The following DHCR7 variants were observed in gnomAD, a reference collection of about 807,000 sequenced individuals.
DHCR7 encodes the protein 7-DHC reductase.
A neutral mutation model predicts 43.3 loss-of-function variants in DHCR7; 40 were observed. That is an observed-to-expected ratio of 0.92 (90% CI 0.72 to 1.20). The LOEUF (loss-of-function observed/expected upper bound fraction) is 1.20, where lower values mean the gene tolerates loss of function less well. Ranked by LOEUF, DHCR7 falls within the 50% of genes most tolerant of loss-of-function variation. The probability of loss-of-function intolerance (pLI) is 0.00; values close to 1 mark genes in which losing one functional copy is unlikely to be tolerated. For synonymous variants in DHCR7, 298 were observed against 271.4 expected, an observed-to-expected ratio of 1.10 and a Z score of -0.96; for missense variants, 608 against 644.6, an observed-to-expected ratio of 0.94 and a Z score of 0.62.
At chr11:71,445,174 C>T (rs1484735508) in intron 2 of DHCR7, among the ~76,000 whole-genome samples, 3 of 152,216 alleles carry the variant, frequency 2.0e-5, no homozygotes, top group Non-Finnish European at 4.4e-5. Context: ...CGTGACCTTG[C>T]TATGGCTGCT....
chr11:71,428,803 GAAGGCAGCTCTTCCTGCCTCTACTCAGCC>G (rs1223380952), exon 3 of DHCR7: 3 of 455,704 alleles, frequency 6.6e-6, no homozygotes, highest in African/African-American at 6.0e-5. Context: ...GTCTTAAAGG[GAAGGCAGCTCTTCCTGCCTCTACTCAGCC>G]TCCACAGCAG....
rs773883055 is a variant in DHCR7 at position 71,444,817 on chromosome 11, C to T, written c.98+38G>A. The T allele has an allele frequency of 3.8e-6, 6 of 1,579,176 alleles. No individual in the cohort carries two copies. In the African/African-American group the frequency reaches 6.7e-5, roughly 18 times the overall value. ...AAGGCTGGAAAGCTCTGAGACCACA[C>T]TTTACTTTCTAGCTGGGAGAACAGG... is the stretch of plus-strand genomic sequence containing the variant. On this transcript the variant is annotated intron_variant, in intron 3 of 8. Transcript: ENST00000355527.
Position 71,439,010 on chromosome 11 carries a change from C to T in DHCR7, c.700G>A (p.Asp234Asn), listed in dbSNP as rs1949320871. 1 of 1,613,994 alleles carries T rather than the reference C, an allele frequency of 6.2e-7. No individual in the cohort carries two copies. Among genetic ancestry groups the T allele is most frequent in the South Asian group, 1.1e-5 (1 of 91,086 alleles). The part of the protein sequence containing the change: ...EFNPRIGKWF[D>N]FKLFFNGRPG... ...CGCCCATTGAAGAACAGCTTGAAGT[C>T]AAACCACTTCCCGATCCGAGGGTTA... Residue 234 changes from aspartate to asparagine, a missense_variant, in exon 7 of 9, where the codon GAC becomes AAC. By Grantham distance (23) the Asp-to-Asn change is conservative (BLOSUM62 1). Coordinates refer to ENST00000355527, the MANE Select transcript of DHCR7 (RefSeq NM_001360.3).
intron 6 of DHCR7, 137 bp downstream of exon 6, chr11:71,441,090 A>C (rs1340080336): frequency 1.2e-6 from 1 of 817,590 alleles, no homozygotes; most frequent in Non-Finnish European, 2.1e-6. Context: ...AGGGTGAAGC[A>C]AGTTCCATCC....
At chr11:71,438,004 G>A in intron 7 of DHCR7, 61 bp from the exon 8 acceptor site, 1 of 1,600,132 alleles carries the variant, frequency 6.2e-7, no homozygotes, top group Non-Finnish European at 8.5e-7. Flanking sequence ...ATGGACCTCG[G>A]GGAAATCACA....
chr11:71,437,682 C>T (rs1038708827), intron 8 of DHCR7, 130 bp downstream of exon 8: 14 of 1,367,662 alleles, frequency 1.0e-5, no homozygotes, highest in South Asian at 6.3e-5. Flanking sequence ...GGCTAATACA[C>T]GAGGCCTTCC....
At chr11:71,437,504 C>A (rs890717782) in intron 8 of DHCR7, among the ~76,000 whole-genome samples, 2 of 152,120 alleles carry the variant, frequency 1.3e-5, no homozygotes, top group East Asian at 1.9e-4. Context: ...GTGCCCAGCA[C>A]ATCCTAGGAG....
chr11:71,435,727 T>C lies in DHCR7; in HGVS notation c.1076A>G (p.Asp359Gly). Residue 359 changes from aspartate (D) to glycine (G), a missense_variant, in exon 9 of 9, where the codon GAC becomes GGC. Physicochemically the swap from Asp to Gly is moderately conservative, Grantham distance 94. Coordinates refer to ENST00000355527, the MANE Select transcript of DHCR7 (RefSeq NM_001360.3). Reference protein sequence around the residue: ...YIFRVANHQKDLFRRTDGRCL... With the variant: ...YIFRVANHQKGLFRRTDGRCL... The stretch of plus-strand genomic sequence containing the variant: ...GCGCCCATCCGTGCGGCGGAACAGG[T>C]CCTTCTGGTGGTTGGCCACCCGGAA... 1 of 1,612,668 alleles carries C rather than the reference T, an allele frequency of 6.2e-7. No homozygotes were observed. The highest frequency in any genetic ancestry group is 8.5e-7 in the Non-Finnish European group (1 of 1,179,520).
chr11:71,446,988 T>C (rs1430109488), intron 2 of DHCR7, among the ~76,000 whole-genome samples: 1 of 152,186 alleles, frequency 6.6e-6, no homozygotes, highest in African/African-American at 2.4e-5. Flanking sequence ...AGACAGTTCC[T>C]CTCCCCCAGG....
At position 71,435,180 on chromosome 11, in the gene DHCR7, C is replaced by T. The variant is rs578117764; in HGVS notation, c.*195G>A. 5.6e-6 allele frequency: 4 copies of T among 714,194 alleles called. No individual in the cohort carries two copies. The African/African-American group carries it at 6.9e-5, about 12-fold the overall frequency. The allele number at this position is 714,194 out of a possible 1,614,324, so 44.2% of individuals were successfully genotyped here. ...GCTGGCAATACGGCAGTGCTGGACA[C>T]TCGGAATTCCCTTGAAGGCAAAAGC... On this transcript the variant is annotated 3_prime_UTR_variant, in exon 9 of 9. Coordinates refer to ENST00000355527, the MANE Select transcript of DHCR7 (RefSeq NM_001360.3).
Position 71,437,834 on chromosome 11 carries a change from A to C in DHCR7, c.941T>G (p.Leu314Arg). 6.2e-7 allele frequency: 1 copy of C among 1,613,998 alleles called. No homozygotes were observed. The highest frequency in any genetic ancestry group is 8.5e-7 in the Non-Finnish European group (1 of 1,180,018). ...CACCTGCAGCGTGTAAAGATAAGGC[A>C]GCCAGACACAGTCGCCCCAGCCCAG... ...WYLGWGDCVW[L>R]PYLYTLQGLY... Residue 314 changes from leucine (L) to arginine (R), a missense_variant, in exon 8 of 9, where the codon CTG (leucine) becomes CGG (arginine). By Grantham distance (102) the Leu-to-Arg change is moderately radical. Transcript: ENST00000355527.
At chr11:71,438,776 T>A in intron 7 of DHCR7, 103 bp downstream of exon 7, 2 of 1,279,192 alleles carry the variant, frequency 1.6e-6, no homozygotes, top group Non-Finnish European at 2.2e-6. Flanking sequence ...CTGACTCTCT[T>A]TTACAAGCAG....
rs1166304493 is a variant in DHCR7, at chr11:71,447,649, C to T, written c.-46G>A. The T allele has an allele frequency of 6.6e-6, 1 of 152,282 alleles. No homozygotes were observed. The highest frequency in any genetic ancestry group is 1.5e-5 in the Non-Finnish European group (1 of 68,066). 9.4% of individuals were successfully genotyped at this position (152,282 alleles called of 1,614,324 possible). On this transcript the variant is annotated 5_prime_UTR_variant, in exon 2 of 9. Transcript: ENST00000355527. ...CAAATAGTTTCACAGCAGAAGGGAACTTTTCCTTCTTGAACCGGCCCCTTA... is the reference window on the plus strand; with the variant it reads ...CAAATAGTTTCACAGCAGAAGGGAATTTTTCCTTCTTGAACCGGCCCCTTA...
At chr11:71,437,686 G>T (rs1949299505) in intron 8 of DHCR7, 126 bp downstream of exon 8, 4 of 1,391,836 alleles carry the variant, frequency 2.9e-6, no homozygotes, top group Non-Finnish European at 3.9e-6. Context: ...AATACACGAG[G>T]CCTTCCCTTC....
chr11:71,441,493 G>A (rs1591111620), intron 5 of DHCR7, 53 bp from the exon 6 acceptor site: 1 of 1,425,118 alleles, frequency 7.0e-7, no homozygotes, highest in East Asian at 2.4e-5. Context: ...GCAGTGAGGA[G>A]CTTGGCTGGG....
At chr11:71,444,261 G>C in intron 3 of DHCR7, 46 bp from the exon 4 acceptor site, 1 of 1,495,760 alleles carries the variant, frequency 6.7e-7, no homozygotes, top group Non-Finnish European at 9.1e-7. Context: ...CATCTGCCCT[G>C]GGCCCCACCA....
rs377108406 is a variant in DHCR7 at position 71,443,983 on chromosome 11, G to A, written c.321+10C>T. ...TGCTGTGTCCCAACCCCAGGGCAGG[G>A]GCTGCTGACCTGGAAGGTGACCCAC... is the stretch of plus-strand genomic sequence containing the variant. On this transcript the variant is annotated intron_variant, in intron 4 of 8. Transcript: ENST00000355527. The A allele has an allele frequency of 2.8e-3, 4,502 of 1,606,646 alleles. 10 individuals carry two copies. The highest frequency in any genetic ancestry group is 3.5e-3 in the Non-Finnish European group (4,121 of 1,175,804).
intron 2 of DHCR7, among the ~76,000 whole-genome samples, chr11:71,446,674 T>G (rs1414208141): frequency 6.6e-6 from 1 of 152,256 alleles, no homozygotes; most frequent in African/African-American, 2.4e-5. Context: ...TTTAAAAAAT[T>G]TCAACGATGA....
intron 8 of DHCR7, 52 bp from the exon 9 acceptor site, chr11:71,435,891 AG>A (rs764453914): frequency 2.0e-5 from 30 of 1,520,166 alleles, no homozygotes; most frequent in Non-Finnish European, 2.5e-5. Context: ...GGGAGAGGAC[AG>A]GAGTGTGGGC....
Sources: gnomAD v4.1 joint callset for allele counts (sites outside exome capture counted in the v4.1 genomes callset) on GRCh38, gnomAD v4.1.1 for gene constraint, MANE v1.5 for transcripts, NCBI Gene and HGNC (gene_info 2026-07-23, HGNC 2026-07-21) for gene names.